The following GOLGA8M variants were observed in gnomAD, a reference collection of about 807,000 sequenced individuals.
GOLGA8M encodes golgin subfamily A member 8M.
Under a neutral mutation model 87.7 loss-of-function variants are expected in GOLGA8M, and 34 were observed. The ratio of observed to expected loss-of-function variants is 0.39; its 90% CI spans 0.29 to 0.52. The LOEUF (loss-of-function observed/expected upper bound fraction) is 0.52. GOLGA8M is among the 20% of genes least tolerant of loss of function. The pLI is 0.80. For missense variants in GOLGA8M, 396 were observed against 682.2 expected, an observed-to-expected ratio of 0.58 and a Z score of 4.67; for synonymous variants, 138 against 250.2, an observed-to-expected ratio of 0.55 and a Z score of 4.23.
At chr15:28,704,737 CCTG>C (rs1385378153) in intron 13 of GOLGA8M, among the ~76,000 whole-genome samples, 1 of 142,474 alleles carries the variant, frequency 7.0e-6, no homozygotes, top group African/African-American at 2.7e-5. Context: ...ACCACAATGT[CCTG>C]CTAATTTTTT....
chr15:28,702,209 C>T lies in GOLGA8M; in HGVS notation c.1723+5G>A, dbSNP rs755389960. On this transcript the variant is annotated splice_donor_5th_base_variant and intron_variant, in intron 18 of 18. Coordinates refer to ENST00000563027, the MANE Select transcript of GOLGA8M (RefSeq NM_001282468.3). ...CTGCCCACACCACCTGAGGGCTGTA[C>T]TCACCACCATGCTTGTCTGCAGCCC... 11 of 1,590,118 alleles carry T rather than the reference C, an allele frequency of 6.9e-6. 1 individual carries two copies. The highest frequency in any genetic ancestry group is 6.9e-5 in the Admixed American group (4 of 58,366).
In GOLGA8M at chr15:28,700,863, C is replaced by A. The variant is rs2079768282; in HGVS notation, c.*1091G>T. Among the ~76,000 whole-genome samples, 2 of 151,910 alleles carry A rather than the reference C, an allele frequency of 1.3e-5. No individual in the cohort carries two copies. The highest frequency in any genetic ancestry group is 2.1e-4 in the South Asian group (1 of 4,826). On this transcript the variant is annotated 3_prime_UTR_variant, in exon 19 of 19. Coordinates refer to ENST00000563027, the MANE Select transcript of GOLGA8M (RefSeq NM_001282468.3). ...GAGAGGAATGCCAGGTGTCACACAG[C>A]TTTCCTTCACTCTAATTCATTCTTG...
chr15:28,702,080 C>T lies in GOLGA8M; in HGVS notation c.1773G>A (p.Glu591=). ...CAGTAGGCTTGTCAAGGAGAGGATCCTCCCTGGCCTCTCCTTGGGCAGAGG... is the reference window on the plus strand; with the variant it reads ...CAGTAGGCTTGTCAAGGAGAGGATCTTCCCTGGCCTCTCCTTGGGCAGAGG... The part of the protein sequence containing the change: ...LTSSAQGEAR[E]DPLLDKPTAQ... The change falls in exon 19 of 19, where the codon GAG becomes GAA. Residue 591 remains glutamate (E), a synonymous_variant. Transcript: ENST00000563027. The T allele has an allele frequency of 6.3e-7, 1 of 1,589,746 alleles. No homozygotes were observed. Among genetic ancestry groups the T allele is most frequent in the South Asian group, 1.1e-5 (1 of 90,538 alleles).
intron 2 of GOLGA8M, among the ~76,000 whole-genome samples, chr15:28,710,220 G>A (rs2080157638): frequency 6.7e-6 from 1 of 148,692 alleles, no homozygotes; most frequent in African/African-American, 2.5e-5. Context: ...GGGACTACAG[G>A]CACACGCCAC....
chr15:28,702,216 C>G lies in GOLGA8M; in HGVS notation c.1721G>C (p.Gly574Ala), dbSNP rs1348429811. ...CACCACCTGAGGGCTGTACTCACCA[C>G]CATGCTTGTCTGCAGCCCCAAGCTC... Reference protein sequence around the residue: ...PQELGAADKHGDLCEVSLTSS... With the variant: ...PQELGAADKHADLCEVSLTSS... The change falls in exon 18 of 19, where the codon GGT becomes GCT. Residue 574 changes from glycine (G) to alanine (A), a missense_variant and splice_region_variant. Coordinates refer to ENST00000563027, the MANE Select transcript of GOLGA8M (RefSeq NM_001282468.3). 2 of 1,591,082 alleles carry G rather than the reference C, an allele frequency of 1.3e-6. No individual in the cohort carries two copies.
At chr15:28,711,768 C>T in intron 1 of GOLGA8M, 6 of 984,292 alleles carry the variant, frequency 6.1e-6, no homozygotes, top group Non-Finnish European at 7.2e-6. Context: ...AGCACCATGT[C>T]TAAGTCGCTG....
rs771524028 is a variant in GOLGA8M at position 28,702,632 on chromosome 15, G to T, written c.1469+13C>A. 1.9e-6 allele frequency: 3 copies of T among 1,610,120 alleles called. No homozygotes were observed. Among genetic ancestry groups the T allele is most frequent in the Non-Finnish European group, 1.7e-6 (2 of 1,179,970 alleles). ...CTGCAGCTCCCCCTGCCGTGCCCTG[G>T]CCTCCCACTCACTGATGGCATCTCT... On this transcript the variant is annotated intron_variant, in intron 16 of 18. Coordinates refer to ENST00000563027, the MANE Select transcript of GOLGA8M (RefSeq NM_001282468.3).
At chr15:28,710,189 G>A (rs1470229704) in intron 2 of GOLGA8M, among the ~76,000 whole-genome samples, 1 of 146,632 alleles carries the variant, frequency 6.8e-6, no homozygotes. Context: ...CCATTCTCTT[G>A]CCTCAGCCTT....
chr15:28,703,241 G>A lies in GOLGA8M; in HGVS notation c.1368+78C>T, dbSNP rs552468835. The A allele has an allele frequency of 1.5e-5, 11 of 743,976 alleles. No individual in the cohort carries two copies. In the Admixed American group the frequency reaches 2.9e-4, roughly 19 times the overall value. 46.1% of individuals were successfully genotyped at this position (743,976 alleles called of 1,614,324 possible). On this transcript the variant is annotated intron_variant, in intron 15 of 18. Coordinates refer to ENST00000563027, the MANE Select transcript of GOLGA8M (RefSeq NM_001282468.3). ...GGGTCCAGAGAAATCAGAAGGCAGG[G>A]AAACGAAGAGCATAAAGGGGTCTTG...
intron 5 of GOLGA8M, 35 bp from the exon 6 acceptor site, chr15:28,708,208 G>C (rs1329318362): frequency 6.7e-7 from 1 of 1,498,478 alleles, no homozygotes; most frequent in African/African-American, 1.4e-5. Flanking sequence ...CTTACCAGGG[G>C]GAGGCAGAGA....
chr15:28,703,678 G>A (rs543163863), intron 14 of GOLGA8M, 164 bp downstream of exon 14: 16 of 868,372 alleles, frequency 1.8e-5, no homozygotes, highest in Middle Eastern at 3.6e-4. Context: ...GTGACCCCCC[G>A]CTCACAGGAG....
intron 5 of GOLGA8M, 67 bp downstream of exon 5, chr15:28,708,308 T>G (rs778713217): frequency 1.2e-6 from 2 of 1,611,292 alleles, no homozygotes; most frequent in South Asian, 2.2e-5. Context: ...CCTGTGGGGA[T>G]GGGGTGGAAT....
At position 28,705,882 on chromosome 15, in the gene GOLGA8M, A is replaced by G. The variant is rs692585; in HGVS notation, c.875-143T>C. Reference sequence around the variant, plus strand: ...CACCCAGATGGTAGCCAGTCTTCCAAAGCACTTTCAGAGAAAGAGCACTGC... The same window carrying G: ...CACCCAGATGGTAGCCAGTCTTCCAGAGCACTTTCAGAGAAAGAGCACTGC... On this transcript the variant is annotated intron_variant, in intron 11 of 18. Coordinates refer to ENST00000563027, the MANE Select transcript of GOLGA8M (RefSeq NM_001282468.3). 49,389 of 1,157,166 alleles carry G rather than the reference A, an allele frequency of 0.043. 5,078 individuals carry two copies. In the East Asian group the frequency reaches 0.51, roughly 12 times the overall value. The allele number at this position is 1,157,166 out of a possible 1,614,324, so 71.7% of individuals were successfully genotyped here.
chr15:28,701,405 C>A lies in GOLGA8M; in HGVS notation c.*549G>T, dbSNP rs924318994. Among the ~76,000 whole-genome samples, 1 of 151,676 alleles carries A rather than the reference C, an allele frequency of 6.6e-6. No homozygotes were observed. Among genetic ancestry groups the A allele is most frequent in the Non-Finnish European group, 1.5e-5 (1 of 68,020 alleles). Reference sequence around the variant, plus strand: ...AGGAAAGGCTGTTTCCAGTTCTTGGCCTTTAAACAACTCTAAATGTCAGTA... The same window carrying A: ...AGGAAAGGCTGTTTCCAGTTCTTGGACTTTAAACAACTCTAAATGTCAGTA... On this transcript the variant is annotated 3_prime_UTR_variant, in exon 19 of 19. Transcript: ENST00000563027.
chr15:28,711,865 G>A (rs1596701557), intron 1 of GOLGA8M: 2 of 984,908 alleles, frequency 2.0e-6, no homozygotes, highest in Admixed American at 1.2e-4. Context: ...CGACCTTGAG[G>A]CAGCAGGAGG....
chr15:28,699,097 G>C lies in GOLGA8M; in HGVS notation c.*2857C>G, dbSNP rs75843888. ...TTTAAAACAACTCTTTAAAGTTTTA[G>C]AGAAACTATATTATGGATAGGGCTG... On this transcript the variant is annotated 3_prime_UTR_variant, in exon 19 of 19. Coordinates refer to ENST00000563027, the MANE Select transcript of GOLGA8M (RefSeq NM_001282468.3). 5.0e-4 allele frequency among the ~76,000 whole-genome samples: 75 copies of C among 150,362 alleles called. 1 individual carries two copies. The East Asian group carries it at 0.013, about 26-fold the overall frequency.
At position 28,708,135 on chromosome 15, in the gene GOLGA8M, C is replaced by G. The variant is rs1412896359; in HGVS notation, c.387G>C (p.Arg129Ser). The G allele has an allele frequency of 1.3e-6, 2 of 1,596,242 alleles. No individual in the cohort carries two copies. Among genetic ancestry groups the G allele is most frequent in the African/African-American group, 1.3e-5 (1 of 74,612 alleles). Residue 129 changes from arginine to serine, a missense_variant, in exon 6 of 19, where the codon AGG (arginine) becomes AGC (serine). Arg to Ser is a moderately radical substitution (Grantham distance 110, BLOSUM62 -1). Around this residue, in one of 12 missense-constraint regions of GOLGA8M, gnomAD observed 80 missense variants for 119.9 expected, o/e 0.67. Coordinates refer to ENST00000563027, the MANE Select transcript of GOLGA8M (RefSeq NM_001282468.3). ...CACACCCTCCACTCACCTCTAGCAC[C>G]CTTTTGGCTTTCTGTTTCTTGTTGT... ...KANNKKQKAK[R>S]VLEVQLQTLN...
In GOLGA8M at chr15:28,701,912, T is replaced by G; in HGVS notation, c.*42A>C. 6.3e-7 allele frequency: 1 copy of G among 1,587,002 alleles called. No homozygotes were observed. ...AGATTAACCCCATAACTTGGTTTCT[T>G]ATTTAAAAATTTCTTGAGCAGCTCT... On this transcript the variant is annotated 3_prime_UTR_variant, in exon 19 of 19. Coordinates refer to ENST00000563027, the MANE Select transcript of GOLGA8M (RefSeq NM_001282468.3).
intron 12 of GOLGA8M, 46 bp from the exon 13 acceptor site, chr15:28,705,273 C>T (rs549347696): frequency 5.8e-6 from 9 of 1,563,688 alleles, no homozygotes; most frequent in Admixed American, 3.6e-5. Flanking sequence ...CAGCTGGAGA[C>T]CCCAGAACTT....
Sources: allele counts gnomAD v4.1 joint callset (sites outside exome capture counted in the v4.1 genomes callset), GRCh38; gene constraint gnomAD v4.1.1; regional missense constraint gnomAD v4.1.1; transcripts MANE v1.5; gene names NCBI Gene and HGNC (gene_info 2026-07-23, HGNC 2026-07-21).